SAMTOR: variants seen among roughly 807,000 people sequenced by gnomAD.
SAMTOR encodes the protein S-adenosylmethionine sensor upstream of mTORC1.
the SAMTOR span, among the ~76,000 whole-genome samples, chr7:112,841,775 A>C: frequency 3.4e-4 from 51 of 152,218 alleles, no homozygotes; most frequent in African/African-American, 1.2e-3. Context: ...ACAACACCAC[A>C]CATCTACAAC....
chr7:112,857,017 A>G, the SAMTOR span, among the ~76,000 whole-genome samples: 1 of 152,116 alleles, frequency 6.6e-6, no homozygotes, highest in East Asian at 1.9e-4. Context: ...AAAGTATTTA[A>G]TATACAGAGT....
the SAMTOR span, among the ~76,000 whole-genome samples, chr7:112,854,290 G>A: frequency 1.3e-5 from 2 of 152,028 alleles, no homozygotes; most frequent in Admixed American, 1.3e-4. Flanking sequence ...AAAGATTATT[G>A]GTTTTGATTG....
the SAMTOR span, among the ~76,000 whole-genome samples, chr7:112,897,395 T>TAGA: frequency 1.3e-5 from 2 of 152,154 alleles, no homozygotes; most frequent in Non-Finnish European, 2.9e-5. Context: ...TTCTATCAGG[T>TAGA]AGAACCATAT....
At chr7:112,895,526 A>C in the SAMTOR span, 64 of 1,396,638 alleles carry the variant, frequency 4.6e-5, no homozygotes, top group Non-Finnish European at 5.6e-5. Flanking sequence ...TTTCACATTA[A>C]TACAGTTATC....
At chr7:112,922,901 C>T in the SAMTOR span, among the ~76,000 whole-genome samples, 2 of 111,570 alleles carry the variant, frequency 1.8e-5, no homozygotes, top group East Asian at 3.1e-4. Flanking sequence ...CCCCCCCCCC[C>T]GGGCCAGCCG....
At chr7:112,889,602 T>C in the SAMTOR span, among the ~76,000 whole-genome samples, 8 of 152,344 alleles carry the variant, frequency 5.3e-5, no homozygotes, top group African/African-American at 1.7e-4. Flanking sequence ...TAAATCATTT[T>C]AATGCTAAAT....
the SAMTOR span, chr7:112,822,265 G>T: frequency 6.2e-7 from 1 of 1,613,498 alleles, no homozygotes; most frequent in East Asian, 2.2e-5. Context: ...TCTCCAGGAA[G>T]AGAATCAATA....
the SAMTOR span, among the ~76,000 whole-genome samples, chr7:112,825,524 A>G: frequency 6.6e-6 from 1 of 152,314 alleles, no homozygotes; most frequent in Admixed American, 6.5e-5. Flanking sequence ...AAATTTCTGT[A>G]TATTGATCTT....
At chr7:112,896,623 G>A in the SAMTOR span, among the ~76,000 whole-genome samples, 1 of 152,134 alleles carries the variant, frequency 6.6e-6, no homozygotes, top group Non-Finnish European at 1.5e-5. Context: ...TATTAAGTAC[G>A]CATCATGTGT....
At chr7:112,821,924 A>T in the SAMTOR span, 2 of 1,613,020 alleles carry the variant, frequency 1.2e-6, no homozygotes, top group Non-Finnish European at 1.7e-6. Context: ...CATCTTCTAT[A>T]CTGTTGAAAT....
At chr7:112,883,363 C>T in the SAMTOR span, among the ~76,000 whole-genome samples, 1 of 152,140 alleles carries the variant, frequency 6.6e-6, no homozygotes, top group Non-Finnish European at 1.5e-5. Context: ...TAAAGCCCCT[C>T]CTTCAATAAC....
At chr7:112,922,105 G>A in the SAMTOR span, among the ~76,000 whole-genome samples, 71 of 152,238 alleles carry the variant, frequency 4.7e-4, 1 homozygote, top group South Asian at 0.011. Context: ...ACAGGCGCGC[G>A]CCGCCACGCC....
the SAMTOR span, among the ~76,000 whole-genome samples, chr7:112,917,390 G>T: frequency 6.6e-6 from 1 of 152,224 alleles, no homozygotes; most frequent in African/African-American, 2.4e-5. Flanking sequence ...TGAGGGTCCT[G>T]TCTGTTAGAA....
the SAMTOR span, among the ~76,000 whole-genome samples, chr7:112,926,826 T>C: frequency 6.6e-6 from 1 of 152,156 alleles, no homozygotes; most frequent in Non-Finnish European, 1.5e-5. Flanking sequence ...GTTCCCTATA[T>C]CCTATGCAAG....
chr7:112,915,239 G>GAA, the SAMTOR span: 1,247 of 1,159,088 alleles, frequency 1.1e-3, no homozygotes, highest in South Asian at 1.6e-3. Context: ...TCCGTCTCAG[G>GAA]AAAAAAAAAA....
the SAMTOR span, chr7:112,819,333 C>G: frequency 6.6e-6 from 1 of 152,438 alleles, no homozygotes; most frequent in Non-Finnish European, 1.5e-5. Context: ...TTGAAACAAC[C>G]AAATTATTTT....
the SAMTOR span, among the ~76,000 whole-genome samples, chr7:112,912,100 T>G: frequency 6.6e-6 from 1 of 151,876 alleles, no homozygotes; most frequent in Admixed American, 6.6e-5. Flanking sequence ...GAACTAAGTA[T>G]TTTAGAAAAT....
At chr7:112,899,261 C>T in the SAMTOR span, among the ~76,000 whole-genome samples, 1 of 151,874 alleles carries the variant, frequency 6.6e-6, no homozygotes, top group African/African-American at 2.4e-5. Context: ...AAGAATCCAA[C>T]AAAAATCCTG....
At chr7:112,917,459 A>C in the SAMTOR span, among the ~76,000 whole-genome samples, 1 of 152,222 alleles carries the variant, frequency 6.6e-6, no homozygotes, top group Non-Finnish European at 1.5e-5. Flanking sequence ...CATCACCATC[A>C]TCACAGACCA....
Sources: gnomAD v4.1 joint callset for allele counts (sites outside exome capture counted in the v4.1 genomes callset) on GRCh38, gnomAD v4.1.1 for gene constraint, MANE v1.5 for transcripts, NCBI Gene and HGNC (gene_info 2026-07-23, HGNC 2026-07-21) for gene names.